UNC5D: variants seen among roughly 807,000 people sequenced by gnomAD.
UNC5D encodes unc-5 netrin receptor D.
A neutral mutation model predicts 105.4 loss-of-function variants in UNC5D; 39 were observed. The observed-to-expected ratio is 0.37, with a 90% CI of 0.29 to 0.48. The LOEUF (loss-of-function observed/expected upper bound fraction) is 0.48, where lower values mean the gene tolerates loss of function less well. Among genes scored for constraint, UNC5D ranks in the 20% least tolerant of loss-of-function variants. The probability of loss-of-function intolerance (pLI) is 0.98; values close to 1 mark genes in which losing one functional copy is unlikely to be tolerated. For synonymous variants in UNC5D, 452 were observed against 450.4 expected, an observed-to-expected ratio of 1.00 and a Z score of -0.04; for missense variants, 991 against 1,202.4, an observed-to-expected ratio of 0.82 and a Z score of 2.60.
At chr8:35,504,481 A>C (rs989566945) in intron 1 of UNC5D, among the ~76,000 whole-genome samples, 6 of 152,144 alleles carry the variant, frequency 3.9e-5, no homozygotes, top group Non-Finnish European at 8.8e-5. Context: ...CTTGCTTGTG[A>C]ATGGTGGAGA....
At chr8:35,512,508 A>ATC (rs1187968968) in intron 1 of UNC5D, among the ~76,000 whole-genome samples, 6 of 91,618 alleles carry the variant, frequency 6.5e-5, no homozygotes, top group Non-Finnish European at 1.0e-4. Flanking sequence ...ATATATATAT[A>ATC]TCTGCATAGA....
At chr8:35,293,245 A>G (rs2128863633) in intron 1 of UNC5D, among the ~76,000 whole-genome samples, 1 of 152,182 alleles carries the variant, frequency 6.6e-6, no homozygotes, top group East Asian at 1.9e-4. Flanking sequence ...GCTTTATGGG[A>G]ATAAATTATA....
chr8:35,788,722 G>A (rs979546493), intron 16 of UNC5D, among the ~76,000 whole-genome samples: 1 of 143,384 alleles, frequency 7.0e-6, no homozygotes, highest in Non-Finnish European at 1.5e-5. Context: ...ACACACACAC[G>A]AAATAGATAA....
intron 1 of UNC5D, among the ~76,000 whole-genome samples, chr8:35,319,682 C>T (rs1215537615): frequency 1.3e-5 from 2 of 151,938 alleles, no homozygotes; most frequent in Admixed American, 6.6e-5. Flanking sequence ...GTACTTTGGC[C>T]ATTAGCTTCT....
intron 1 of UNC5D, among the ~76,000 whole-genome samples, chr8:35,437,075 A>C (rs1332252037): frequency 6.6e-6 from 1 of 152,000 alleles, no homozygotes; most frequent in Admixed American, 6.6e-5. Flanking sequence ...ACTGGGCATA[A>C]GAAATTTCCT....
chr8:35,662,483 A>G (rs765943854), intron 4 of UNC5D, among the ~76,000 whole-genome samples: 1 of 152,202 alleles, frequency 6.6e-6, no homozygotes, highest in East Asian at 1.9e-4. Context: ...AATGAGCTTT[A>G]AGAGATGAGC....
intron 16 of UNC5D, among the ~76,000 whole-genome samples, chr8:35,781,485 A>G (rs965266377): frequency 7.9e-5 from 12 of 152,140 alleles, no homozygotes; most frequent in Non-Finnish European, 1.8e-4. Flanking sequence ...CCTATAAACT[A>G]ACGTTTTCAG....
At chr8:35,603,872 C>CT (rs939933510) in intron 4 of UNC5D, among the ~76,000 whole-genome samples, 3 of 151,862 alleles carry the variant, frequency 2.0e-5, no homozygotes, top group African/African-American at 4.8e-5. Context: ...CAACCCCTGC[C>CT]TTTTTTTGTT....
intron 1 of UNC5D, among the ~76,000 whole-genome samples, chr8:35,351,131 A>G (rs1053278410): frequency 4.6e-5 from 7 of 152,056 alleles, no homozygotes; most frequent in African/African-American, 1.7e-4. Context: ...AATATACTTA[A>G]GCCTGAGGCA....
intron 4 of UNC5D, among the ~76,000 whole-genome samples, chr8:35,658,726 A>G (rs1823931748): frequency 7.1e-6 from 1 of 140,082 alleles, no homozygotes; most frequent in Admixed American, 8.1e-5. Flanking sequence ...ACCTCGGCTC[A>G]CTGCAAGCTC....
chr8:35,458,374 C>T (rs763399869), intron 1 of UNC5D, among the ~76,000 whole-genome samples: 6 of 152,134 alleles, frequency 3.9e-5, no homozygotes, highest in Non-Finnish European at 5.9e-5. Flanking sequence ...TTGACCCTGA[C>T]AGTTGCTTGT....
intron 4 of UNC5D, among the ~76,000 whole-genome samples, chr8:35,669,975 T>C (rs181839019): frequency 6.6e-6 from 1 of 152,154 alleles, no homozygotes; most frequent in East Asian, 1.9e-4. Flanking sequence ...TGTATGACCA[T>C]GAATGACATG....
At chr8:35,322,373 T>C (rs537838793) in intron 1 of UNC5D, among the ~76,000 whole-genome samples, 1 of 152,174 alleles carries the variant, frequency 6.6e-6, no homozygotes, top group South Asian at 2.1e-4. Context: ...TTGAAAGTAG[T>C]GTTTACTAGA....
intron 16 of UNC5D, among the ~76,000 whole-genome samples, chr8:35,785,655 C>T (rs761971025): frequency 1.6e-4 from 24 of 152,214 alleles, no homozygotes; most frequent in Non-Finnish European, 2.9e-4. Flanking sequence ...GCCACCACGC[C>T]GAGCCTATAT....
chr8:35,788,706 A>G (rs958008080), intron 16 of UNC5D, among the ~76,000 whole-genome samples: 6 of 151,916 alleles, frequency 3.9e-5, no homozygotes, highest in African/African-American at 1.5e-4. Flanking sequence ...ACACGCACAC[A>G]CACACACACA....
In UNC5D at chr8:35,264,748, A is replaced by C. The variant is rs1242081174; in HGVS notation, c.103+28861A>C. 2.0e-5 allele frequency among the ~76,000 whole-genome samples: 3 copies of C among 151,402 alleles called. No homozygotes were observed. The East Asian group carries it at 5.8e-4, about 29-fold the overall frequency. On this transcript the variant is annotated intron_variant, in intron 1 of 16. Transcript: ENST00000404895. ...CTGTCTCAAAAAAAAAAAAAAAAAAAAAAAAGAGTAAAAGGTGTTAAGCTT... is the reference window on the plus strand; with the variant it reads ...CTGTCTCAAAAAAAAAAAAAAAAAACAAAAAGAGTAAAAGGTGTTAAGCTT...
At chr8:35,453,300 C>T (rs985794252) in intron 1 of UNC5D, among the ~76,000 whole-genome samples, 2 of 152,056 alleles carry the variant, frequency 1.3e-5, no homozygotes, top group Admixed American at 1.3e-4. Flanking sequence ...TGCACTATCT[C>T]CATCAAAATG....
intron 1 of UNC5D, among the ~76,000 whole-genome samples, chr8:35,390,286 G>A (rs148869337): frequency 1.1e-3 from 170 of 152,294 alleles, no homozygotes; most frequent in South Asian, 2.1e-3. Flanking sequence ...TGGGGATTAC[G>A]TTTGAATATG....
intron 16 of UNC5D, among the ~76,000 whole-genome samples, chr8:35,779,426 G>A (rs1348312171): frequency 2.0e-5 from 3 of 152,108 alleles, no homozygotes; most frequent in African/African-American, 7.2e-5. Flanking sequence ...TCTAATGAAC[G>A]ATATGAACTC....
Sources: gnomAD v4.1 joint callset for allele counts (sites outside exome capture counted in the v4.1 genomes callset) on GRCh38, gnomAD v4.1.1 for gene constraint, MANE v1.5 for transcripts, NCBI Gene and HGNC (gene_info 2026-07-23, HGNC 2026-07-21) for gene names.